The following FGGY variants were observed in gnomAD, a reference collection of about 807,000 sequenced individuals.
The protein encoded by FGGY is FGGY carbohydrate kinase domain-containing protein.
A neutral mutation model predicts 71.3 loss-of-function variants in FGGY; 72 were observed. That is an observed-to-expected ratio of 1.01 (90% CI 0.84 to 1.23). The LOEUF (loss-of-function observed/expected upper bound fraction) is 1.23. Ranked by LOEUF, FGGY falls within the 50% of genes most tolerant of loss-of-function variation. The pLI is 0.00. For missense variants in FGGY, 668 were observed against 682.3 expected, an observed-to-expected ratio of 0.98 and a Z score of 0.23; for synonymous variants, 251 against 250.3, an observed-to-expected ratio of 1.00 and a Z score of -0.02.
At chr1:59,472,936 G>A (rs894414685) in intron 6 of FGGY, among the ~76,000 whole-genome samples, 3 of 152,100 alleles carry the variant, frequency 2.0e-5, no homozygotes, top group African/African-American at 7.2e-5. Context: ...GTGGGGACTT[G>A]GAGAACCTTT....
chr1:59,445,422 C>A (rs1377304291), intron 5 of FGGY, among the ~76,000 whole-genome samples: 1 of 152,120 alleles, frequency 6.6e-6, no homozygotes, highest in African/African-American at 2.4e-5. Context: ...CTTTAACCAT[C>A]TGAATGCCTT....
chr1:59,665,497 G>C (rs1209003302), intron 12 of FGGY, among the ~76,000 whole-genome samples: 1 of 152,096 alleles, frequency 6.6e-6, no homozygotes, highest in Non-Finnish European at 1.5e-5. Context: ...AACCAATTAG[G>C]ATTTCATGTC....
chr1:59,552,733 G>A (rs2095628258), intron 7 of FGGY, among the ~76,000 whole-genome samples: 1 of 152,100 alleles, frequency 6.6e-6, no homozygotes, highest in African/African-American at 2.4e-5. Flanking sequence ...TGATTTCCCT[G>A]CACTGAAATA....
intron 11 of FGGY, among the ~76,000 whole-genome samples, chr1:59,645,047 G>A (rs1223179033): frequency 6.6e-6 from 1 of 151,854 alleles, no homozygotes; most frequent in Non-Finnish European, 1.5e-5. Flanking sequence ...GGATTTTTTT[G>A]GTGGTTATTT....
At chr1:59,558,185 A>G (rs1274965111) in intron 8 of FGGY, among the ~76,000 whole-genome samples, 1 of 152,204 alleles carries the variant, frequency 6.6e-6, no homozygotes, top group African/African-American at 2.4e-5. Flanking sequence ...ATGACTTGGC[A>G]CTGTACCTGG....
intron 8 of FGGY, among the ~76,000 whole-genome samples, chr1:59,586,685 G>T (rs531794739): frequency 1.3e-5 from 2 of 152,276 alleles, no homozygotes; most frequent in Admixed American, 1.3e-4. Context: ...CACGTGAAAT[G>T]AGCAGGCTTG....
chr1:59,372,340 T>C (rs963942954), intron 4 of FGGY, among the ~76,000 whole-genome samples: 4 of 152,078 alleles, frequency 2.6e-5, no homozygotes, highest in East Asian at 1.9e-4. Context: ...ACACATACAC[T>C]CTCCCAAGAC....
chr1:59,505,621 G>T (rs1284469179), intron 6 of FGGY, among the ~76,000 whole-genome samples: 2 of 152,006 alleles, frequency 1.3e-5, no homozygotes, highest in African/African-American at 4.8e-5. Context: ...TCTCCTCCTG[G>T]GTTTCATCTC....
At chr1:59,316,968 T>C (rs1172564741) in intron 1 of FGGY, among the ~76,000 whole-genome samples, 7 of 152,188 alleles carry the variant, frequency 4.6e-5, no homozygotes, top group Non-Finnish European at 1.0e-4. Context: ...GTTCCGACTC[T>C]CACCATTCAT....
chr1:59,426,578 A>G (rs2153453116), intron 5 of FGGY, among the ~76,000 whole-genome samples: 1 of 152,354 alleles, frequency 6.6e-6, no homozygotes, highest in South Asian at 2.1e-4. Context: ...GTCTCACCTC[A>G]GGAGTTCCCC....
At chr1:59,331,058 G>C (rs534959201) in intron 2 of FGGY, among the ~76,000 whole-genome samples, 5 of 152,088 alleles carry the variant, frequency 3.3e-5, no homozygotes, top group African/African-American at 9.6e-5. Context: ...GCACATATAG[G>C]TGCTTAATAT....
intron 9 of FGGY, among the ~76,000 whole-genome samples, chr1:59,612,974 C>G (rs1247809671): frequency 6.6e-6 from 1 of 152,204 alleles, no homozygotes; most frequent in Non-Finnish European, 1.5e-5. Context: ...GTACCCAATA[C>G]AGGAGCACCC....
At chr1:59,730,879 C>G (rs574080184) in intron 14 of FGGY, among the ~76,000 whole-genome samples, 3 of 152,156 alleles carry the variant, frequency 2.0e-5, no homozygotes, top group Non-Finnish European at 4.4e-5. Flanking sequence ...AAGTCCATGT[C>G]GGACAACATG....
chr1:59,729,371 C>G (rs1352626838), intron 14 of FGGY, among the ~76,000 whole-genome samples: 1 of 152,078 alleles, frequency 6.6e-6, no homozygotes, highest in Non-Finnish European at 1.5e-5. Flanking sequence ...GAGTTGGGTT[C>G]TGATTCTTGC....
At chr1:59,384,085 A>T (rs1460262988) in intron 5 of FGGY, among the ~76,000 whole-genome samples, 2 of 152,338 alleles carry the variant, frequency 1.3e-5, no homozygotes, top group East Asian at 3.9e-4. Flanking sequence ...CTTGCCTTTG[A>T]CAATCTCAAA....
At chr1:59,569,675 C>G (rs987618823) in intron 8 of FGGY, among the ~76,000 whole-genome samples, 1 of 152,128 alleles carries the variant, frequency 6.6e-6, no homozygotes, top group African/African-American at 2.4e-5. Context: ...CTATTATTTT[C>G]TTGTTTATGG....
rs58170089 is a variant in FGGY at position 59,499,299 on chromosome 1, G to GTTTTTTTTTTTTTTTTTTTTT, written c.671-12996_671-12995insTTTTTTTTTTTTTTTTTTTTT. 2.9e-4 allele frequency among the ~76,000 whole-genome samples: 31 copies of GTTTTTTTTTTTTTTTTTTTTT among 105,816 alleles called. 4 individuals are homozygous for GTTTTTTTTTTTTTTTTTTTTT. The highest frequency in any genetic ancestry group is 3.9e-4 in the Non-Finnish European group (21 of 54,066). The allele number at this position is 105,816 out of a possible 152,430, so 69.4% of individuals were successfully genotyped here. A position where few individuals can be genotyped will look rare whatever the true frequency, so the allele number is the denominator to read the frequency against. ...ACTGAACCCTATGTATACTATGTTTGTTTTTTTTTTTTTTTTGATCTGGTA... is the reference window on the plus strand; with the variant it reads ...ACTGAACCCTATGTATACTATGTTTGTTTTTTTTTTTTTTTTTTTTTTTTTTTTTTTTTTTTTGATCTGGTA... On this transcript the variant is annotated intron_variant, in intron 6 of 15. Transcript: ENST00000303721.
At chr1:59,367,178 GC>G (rs1417623026) in intron 4 of FGGY, among the ~76,000 whole-genome samples, 1 of 152,158 alleles carries the variant, frequency 6.6e-6, no homozygotes, top group Non-Finnish European at 1.5e-5. Flanking sequence ...CAGCTTATCT[GC>G]CTATCTGACT....
intron 7 of FGGY, among the ~76,000 whole-genome samples, chr1:59,517,623 T>A (rs904012395): frequency 6.6e-6 from 1 of 152,168 alleles, no homozygotes; most frequent in Non-Finnish European, 1.5e-5. Flanking sequence ...CCAAGTTGAC[T>A]TAAGCACTCT....
Sources: gnomAD v4.1 joint callset for allele counts (sites outside exome capture counted in the v4.1 genomes callset) on GRCh38, gnomAD v4.1.1 for gene constraint, MANE v1.5 for transcripts, NCBI Gene and HGNC (gene_info 2026-07-23, HGNC 2026-07-21) for gene names.